Variants in GPD2 observed in about 807,000 individuals in gnomAD.
The protein encoded by GPD2 is glycerol-3-phosphate dehydrogenase 2, also known as glycerol-3-phosphate dehydrogenase, mitochondrial.
GPD2 carries 54 observed loss-of-function variants against 82.4 expected under a neutral mutation model. The ratio of observed to expected loss-of-function variants is 0.66; its 90% CI spans 0.53 to 0.82. The LOEUF (loss-of-function observed/expected upper bound fraction) is 0.82, where lower values mean the gene tolerates loss of function less well. GPD2 is among the 40% of genes least tolerant of loss of function. The pLI is 0.00. For missense variants in GPD2, 748 were observed against 896.2 expected, an observed-to-expected ratio of 0.83 and a Z score of 2.11; for synonymous variants, 288 against 306.1, an observed-to-expected ratio of 0.94 and a Z score of 0.62.
chr2:156,471,416 C>T (rs1683322491), intron 1 of GPD2, among the ~76,000 whole-genome samples: 1 of 152,196 alleles, frequency 6.6e-6, no homozygotes. Flanking sequence ...GCCTCTACTC[C>T]CCGTTGCCAA....
chr2:156,581,031 A>G (rs538016647), intron 16 of GPD2, among the ~76,000 whole-genome samples: 1 of 152,322 alleles, frequency 6.6e-6, no homozygotes, highest in Admixed American at 6.5e-5. Context: ...GTTGAAAGAC[A>G]TGGCACTTTA....
chr2:156,413,678 G>A, the GPD2 span, among the ~76,000 whole-genome samples: 2 of 152,182 alleles, frequency 1.3e-5, no homozygotes, highest in Non-Finnish European at 2.9e-5. Context: ...GCAGAGGTGG[G>A]CGGATCACCT....
chr2:156,449,818 C>G (rs1573877827), intron 1 of GPD2, among the ~76,000 whole-genome samples: 1 of 130,092 alleles, frequency 7.7e-6, no homozygotes, highest in East Asian at 2.4e-4. Context: ...CGAGACCAGC[C>G]TGGCCAATAT....
intron 2 of GPD2, among the ~76,000 whole-genome samples, chr2:156,483,056 A>G (rs1683793026): frequency 6.6e-6 from 1 of 152,120 alleles, no homozygotes; most frequent in Non-Finnish European, 1.5e-5. Flanking sequence ...TTTGATTAGT[A>G]GTACCAATGA....
chr2:156,518,475 A>G (rs1309067192), intron 6 of GPD2, among the ~76,000 whole-genome samples: 1 of 152,192 alleles, frequency 6.6e-6, no homozygotes, highest in Non-Finnish European at 1.5e-5. Flanking sequence ...TTGGGGAACG[A>G]TGCCTCTGGC....
intron 1 of GPD2, among the ~76,000 whole-genome samples, chr2:156,463,657 A>G: frequency 6.6e-6 from 1 of 152,248 alleles, no homozygotes; most frequent in Non-Finnish European, 1.5e-5. Context: ...TGGAAGAGAC[A>G]GAATTACAAG....
chr2:156,448,035 A>G (rs1200957229), intron 1 of GPD2, among the ~76,000 whole-genome samples: 1 of 151,942 alleles, frequency 6.6e-6, no homozygotes, highest in Non-Finnish European at 1.5e-5. Flanking sequence ...GACAAATGCC[A>G]TCATCTTTTC....
At chr2:156,413,322 C>T in the GPD2 span, among the ~76,000 whole-genome samples, 1 of 151,870 alleles carries the variant, frequency 6.6e-6, no homozygotes, top group Non-Finnish European at 1.5e-5. Context: ...TGGCTCATGC[C>T]TGCAATTCCA....
the GPD2 span, among the ~76,000 whole-genome samples, chr2:156,409,200 C>A: frequency 6.6e-6 from 1 of 152,144 alleles, no homozygotes; most frequent in Non-Finnish European, 1.5e-5. Context: ...ATTTCTAAGC[C>A]ACACAATTGG....
chr2:156,585,148 C>A lies in GPD2; in HGVS notation c.*2230C>A, dbSNP rs1202565499. 6.6e-6 allele frequency: 1 copy of A among 152,210 alleles called. No homozygotes were observed. Among genetic ancestry groups the A allele is most frequent in the Non-Finnish European group, 1.5e-5 (1 of 67,948 alleles). The allele number at this position is 152,210 out of a possible 1,614,324, so 9.4% of individuals were successfully genotyped here. Reference sequence around the variant, plus strand: ...GAAATGAACTGATTTCAAGCCGTTACTGTGAATAAAGCACCCCAGCATTTT... The same window carrying A: ...GAAATGAACTGATTTCAAGCCGTTAATGTGAATAAAGCACCCCAGCATTTT... On this transcript the variant is annotated 3_prime_UTR_variant, in exon 17 of 17. Transcript: ENST00000438166.
chr2:156,501,482 A>T (rs1009609696), intron 3 of GPD2, among the ~76,000 whole-genome samples: 1 of 152,222 alleles, frequency 6.6e-6, no homozygotes, highest in East Asian at 1.9e-4. Context: ...TCTCAGGCAT[A>T]AATGGAGGAT....
intron 6 of GPD2, among the ~76,000 whole-genome samples, chr2:156,546,115 T>C (rs187018071): frequency 6.6e-6 from 1 of 152,360 alleles, no homozygotes; most frequent in Admixed American, 6.5e-5. Context: ...GCTCAGTATG[T>C]GCACATATGC....
At chr2:156,477,996 CT>C (rs1239122171) in intron 2 of GPD2, among the ~76,000 whole-genome samples, 1 of 152,154 alleles carries the variant, frequency 6.6e-6, no homozygotes, top group Non-Finnish European at 1.5e-5. Flanking sequence ...TGAGTTGTTG[CT>C]AAATTTATAT....
intron 2 of GPD2, among the ~76,000 whole-genome samples, chr2:156,487,087 C>T (rs536689901): frequency 6.6e-6 from 1 of 152,252 alleles, no homozygotes; most frequent in Non-Finnish European, 1.5e-5. Context: ...GGGCAGATCA[C>T]CTGCGGTCAG....
chr2:156,506,021 G>A (rs1347810386), intron 3 of GPD2, among the ~76,000 whole-genome samples: 1 of 152,144 alleles, frequency 6.6e-6, no homozygotes, highest in East Asian at 1.9e-4. Context: ...CAGTTGGTTG[G>A]TTGGTTAATT....
At chr2:156,567,363 T>G (rs959708625) in intron 9 of GPD2, among the ~76,000 whole-genome samples, 5 of 152,088 alleles carry the variant, frequency 3.3e-5, no homozygotes, top group South Asian at 4.1e-4. Context: ...GCATTATGAG[T>G]AAATTTTTGT....
chr2:156,452,318 G>A (rs998929149), intron 1 of GPD2, among the ~76,000 whole-genome samples: 10 of 152,270 alleles, frequency 6.6e-5, no homozygotes, highest in African/African-American at 2.4e-4. Flanking sequence ...TCTGGAGGCC[G>A]AGGCTGGCGG....
chr2:156,569,619 C>A, intron 11 of GPD2, 81 bp downstream of exon 11: 1 of 1,016,144 alleles, frequency 9.8e-7, no homozygotes, highest in Non-Finnish European at 1.6e-6. Flanking sequence ...GCAATCAGGT[C>A]TCCCTGATTG....
intron 1 of GPD2, among the ~76,000 whole-genome samples, chr2:156,456,800 G>A (rs983904602): frequency 9.9e-5 from 15 of 151,998 alleles, no homozygotes; most frequent in African/African-American, 3.6e-4. Flanking sequence ...AAGGTGGGTT[G>A]GGGGCTGTGG....
Sources: gnomAD v4.1 joint callset for allele counts (sites outside exome capture counted in the v4.1 genomes callset) on GRCh38, gnomAD v4.1.1 for gene constraint, MANE v1.5 for transcripts, NCBI Gene and HGNC (gene_info 2026-07-23, HGNC 2026-07-21) for gene names.